The following C2orf49 variants were observed in gnomAD, a reference collection of about 807,000 sequenced individuals.
The protein encoded by C2orf49 is tRNA-splicing ligase complex subunit ASW.
Under a neutral mutation model 20.6 loss-of-function variants are expected in C2orf49, and 11 were observed. The observed-to-expected ratio is 0.53, with a 90% confidence interval of 0.34 to 0.88. The LOEUF is 0.88. Among genes scored for constraint, C2orf49 ranks in the 40% least tolerant of loss-of-function variants. The pLI, the probability that C2orf49 is intolerant of heterozygous loss-of-function variation, is 0.02. For synonymous variants in C2orf49, 134 were observed against 108.5 expected, an observed-to-expected ratio of 1.24 and a Z score of -1.46; for missense variants, 289 against 274.2, an observed-to-expected ratio of 1.05 and a Z score of -0.38.
chr2:105,372,027 C>G, the C2orf49 span, among the ~76,000 whole-genome samples: 2 of 152,292 alleles, frequency 1.3e-5, no homozygotes, highest in Admixed American at 1.3e-4. Flanking sequence ...ACCATGCAGC[C>G]CTTCCAGCTG....
chr2:105,340,321 A>G (rs1679632750), intron 2 of C2orf49, among the ~76,000 whole-genome samples: 1 of 152,224 alleles, frequency 6.6e-6, no homozygotes, highest in Admixed American at 6.5e-5. Context: ...CATTAGATGT[A>G]CATTTTGACA....
the C2orf49 span, among the ~76,000 whole-genome samples, chr2:105,366,141 C>T: frequency 6.6e-6 from 1 of 151,494 alleles, no homozygotes; most frequent in South Asian, 2.1e-4. Context: ...ACCCAAGAGG[C>T]GGAGGTTGCA....
chr2:105,349,666 C>A (rs1364137665), downstream of C2orf49, among the ~76,000 whole-genome samples: 1 of 152,040 alleles, frequency 6.6e-6, no homozygotes, highest in Non-Finnish European at 1.5e-5. Flanking sequence ...AGAAAACAGA[C>A]AGTGAACCAT....
At chr2:105,366,550 A>G in the C2orf49 span, among the ~76,000 whole-genome samples, 38 of 152,210 alleles carry the variant, frequency 2.5e-4, no homozygotes, top group Non-Finnish European at 4.4e-4. Context: ...GCTGGAAGCT[A>G]TAGCATAATA....
the C2orf49 span, chr2:105,367,849 C>G: frequency 9.1e-7 from 1 of 1,095,436 alleles, no homozygotes; most frequent in Non-Finnish European, 1.3e-6. Flanking sequence ...CCAGAGCAAG[C>G]CACTTCAGCT....
At chr2:105,365,249 C>T in the C2orf49 span, among the ~76,000 whole-genome samples, 1 of 152,182 alleles carries the variant, frequency 6.6e-6, no homozygotes, top group Non-Finnish European at 1.5e-5. Context: ...TAACTACTGA[C>T]GGGTTTGACA....
Position 105,337,609 on chromosome 2 carries a change from C to T in C2orf49, c.22C>T (p.Arg8Cys), listed in dbSNP as rs1411159466. 5.0e-6 allele frequency: 8 copies of T among 1,612,556 alleles called. No homozygotes were observed. The East Asian group carries it at 1.8e-4, about 36-fold the overall frequency. Residue 8 changes from arginine (R) to cysteine (C), a missense_variant, in exon 1 of 4, where the codon CGC becomes TGC. By Grantham distance (180) the Arg-to-Cys change is radical. Coordinates refer to ENST00000258457, the MANE Select transcript of C2orf49 (RefSeq NM_024093.3). ...GACCATGGCGGGGGATGTGGGCGGT[C>T]GCAGCTGCACGGACTCGGAACTGCT... MAGDVGG[R>C]SCTDSELLLH...
At chr2:105,375,163 G>GCA in the C2orf49 span, 6 of 152,198 alleles carry the variant, frequency 3.9e-5, no homozygotes, top group African/African-American at 1.4e-4. Context: ...GTGTGTGCGC[G>GCA]TGCGTGTGCA....
the C2orf49 span, among the ~76,000 whole-genome samples, chr2:105,382,591 G>A: frequency 1.3e-5 from 2 of 152,238 alleles, no homozygotes; most frequent in Non-Finnish European, 2.9e-5. Context: ...CAAGTGCCTG[G>A]AACAAGTCAT....
the C2orf49 span, chr2:105,359,005 G>C: frequency 6.6e-6 from 1 of 152,190 alleles, no homozygotes; most frequent in Non-Finnish European, 1.5e-5. Context: ...GCCTGCCATT[G>C]GATAAAAGGC....
chr2:105,384,663 A>G, the C2orf49 span, among the ~76,000 whole-genome samples: 7 of 152,150 alleles, frequency 4.6e-5, no homozygotes, highest in Admixed American at 4.6e-4. Context: ...ATGCACCACC[A>G]CGCCCAGCTA....
At chr2:105,370,086 A>T in the C2orf49 span, among the ~76,000 whole-genome samples, 8 of 152,202 alleles carry the variant, frequency 5.3e-5, no homozygotes, top group African/African-American at 1.9e-4. Flanking sequence ...TCAAATAGTC[A>T]AATGAGGCTG....
At chr2:105,353,342 A>G (rs573248963), downstream of C2orf49, among the ~76,000 whole-genome samples, 2 of 152,352 alleles carry the variant, frequency 1.3e-5, no homozygotes, top group South Asian at 2.1e-4. Context: ...AGTAAAATGC[A>G]TAAATGCTAA....
At chr2:105,354,219 T>C in the C2orf49 span, among the ~76,000 whole-genome samples, 4 of 152,248 alleles carry the variant, frequency 2.6e-5, no homozygotes, top group African/African-American at 9.6e-5. Context: ...CCAGGGCACA[T>C]TGCACCACAG....
chr2:105,351,335 A>G, downstream of C2orf49, among the ~76,000 whole-genome samples: 3 of 112,028 alleles, frequency 2.7e-5, no homozygotes, highest in Non-Finnish European at 4.0e-5. Flanking sequence ...CCAAAAAAAA[A>G]GGTTATTTCT....
the C2orf49 span, among the ~76,000 whole-genome samples, chr2:105,357,092 C>T: frequency 3.9e-5 from 6 of 152,110 alleles, no homozygotes; most frequent in Admixed American, 6.5e-5. Context: ...GGACAACAGG[C>T]GCATGCCACT....
chr2:105,337,928 A>G (rs1007988915), intron 1 of C2orf49, among the ~76,000 whole-genome samples: 5 of 152,172 alleles, frequency 3.3e-5, no homozygotes, highest in Non-Finnish European at 7.3e-5. Context: ...CTGAGTCCCG[A>G]TGGCTTGTAA....
chr2:105,373,490 G>C, the C2orf49 span: 1 of 1,545,582 alleles, frequency 6.5e-7, no homozygotes, highest in South Asian at 1.1e-5. Context: ...TGTGAACAGG[G>C]GGTCAGAGGA....
At chr2:105,350,348 A>C (rs570719123), downstream of C2orf49, among the ~76,000 whole-genome samples, 1 of 152,248 alleles carries the variant, frequency 6.6e-6, no homozygotes, top group Non-Finnish European at 1.5e-5. Flanking sequence ...GGGCAGTGGT[A>C]GTATAAAATG....
Sources: gnomAD v4.1 joint callset for allele counts (sites outside exome capture counted in the v4.1 genomes callset) on GRCh38, gnomAD v4.1.1 for gene constraint, MANE v1.5 for transcripts, NCBI Gene and HGNC (gene_info 2026-07-23, HGNC 2026-07-21) for gene names.